PPP2R5C: variants seen among roughly 807,000 people sequenced by gnomAD.
PPP2R5C encodes the protein protein phosphatase 2 regulatory subunit B'gamma, also known as serine/threonine-protein phosphatase 2A 56 kDa regulatory subunit gamma isoform.
PPP2R5C carries 7 observed loss-of-function variants against 68.9 expected under a neutral mutation model. The ratio of observed to expected loss-of-function variants is 0.10; its 90% CI spans 0.06 to 0.19. PPP2R5C has a LOEUF of 0.19. Among genes scored for constraint, PPP2R5C ranks in the 10% least tolerant of loss-of-function variants. The pLI, the probability that PPP2R5C is intolerant of heterozygous loss-of-function variation, is 1.00. For synonymous variants in PPP2R5C, 210 were observed against 222.2 expected (o/e 0.95, Z 0.49); for missense variants, 348 against 641.3 (o/e 0.54, Z 4.94).
intron 2 of PPP2R5C, among the ~76,000 whole-genome samples, chr14:101,875,272 C>T (rs2043689806): frequency 6.6e-6 from 1 of 152,184 alleles, no homozygotes; most frequent in African/African-American, 2.4e-5. Context: ...TACCTCTCTT[C>T]ACTGCCGAGC....
At chr14:101,909,428 G>C (rs45547933) in intron 10 of PPP2R5C, among the ~76,000 whole-genome samples, 161 bp from the exon 13 acceptor site, 4,740 of 152,272 alleles carry the variant, frequency 0.031, 144 homozygotes, top group African/African-American at 0.077. Flanking sequence ...ATGTGTGGCT[G>C]TCAGAAAACA....
intron 3 of PPP2R5C, among the ~76,000 whole-genome samples, chr14:101,788,426 T>C (rs1316244496): frequency 1.3e-5 from 2 of 152,258 alleles, no homozygotes; most frequent in African/African-American, 4.8e-5. Context: ...GCAGAGCCCA[T>C]GCAAGTACCG....
rs2043867779 is a variant in PPP2R5C, at chr14:101,877,610, C to G, written c.295-4551C>G. On this transcript the variant is annotated intron_variant, in intron 2 of 13. Transcript: ENST00000334743. The surrounding 1 kb of genome is among the most constrained non-coding windows in gnomAD (Gnocchi z 4.2). ...ACATCAGCACCCCAGGTTTCTGTAC[C>G]TGGGGCTCCTGCCCCTGATTCGCCC... 6.6e-6 allele frequency among the ~76,000 whole-genome samples: 1 copy of G among 152,188 alleles called. No homozygotes were observed. The highest frequency in any genetic ancestry group is 6.5e-5 in the Admixed American group (1 of 15,288).
In PPP2R5C at chr14:101,906,905, A is replaced by G. The variant is rs1052185377; in HGVS notation, c.1151+376A>G. On this transcript the variant is annotated intron_variant, in intron 10 of 13. Coordinates refer to ENST00000334743, the Ensembl canonical transcript of PPP2R5C. The surrounding 1 kb of genome is among the most constrained non-coding windows in gnomAD (Gnocchi z 4.0). ...GGGGTGTCTATTGAGCTCTGCTGAC[A>G]TGCACCCTGGATGAGCCCCTGTGTG... Among the ~76,000 whole-genome samples the G allele has an allele frequency of 6.6e-6, 1 of 152,076 alleles. No individual in the cohort carries two copies. The highest frequency in any genetic ancestry group is 6.6e-5 in the Admixed American group (1 of 15,260).
In PPP2R5C at chr14:101,879,168, C is replaced by G. The variant is rs1180034839; in HGVS notation, c.295-2993C>G. The G allele has an allele frequency of 6.6e-6, 1 of 151,184 alleles. No homozygotes were observed. Among genetic ancestry groups the G allele is most frequent in the South Asian group, 2.1e-4 (1 of 4,746 alleles). The allele number at this position is 151,184 out of a possible 1,614,324, so 9.4% of individuals were successfully genotyped here. On this transcript the variant is annotated intron_variant, in intron 2 of 13. Coordinates refer to ENST00000334743, the Ensembl canonical transcript of PPP2R5C. The surrounding 1 kb of genome is among the most constrained non-coding windows in gnomAD (Gnocchi z 4.2). ...AGGGTGGCTCCGAGCCCCTCTTGCC[C>G]GCCCTCCCCCGGGGCTTTGAGCAGA...
At position 101,841,910 on chromosome 14, in the gene PPP2R5C, A is replaced by G. The variant is rs150388864; in HGVS notation, c.95-14776A>G. On this transcript the variant is annotated intron_variant, in intron 1 of 13. Transcript: ENST00000334743. The stretch of plus-strand genomic sequence containing the variant: ...GCGCCTCCTCCTTCAGAGACCACTG[A>G]GCTCTCAGCTCCCCATGGAGCTTCT... Among the ~76,000 whole-genome samples, 600 of 152,232 alleles carry G rather than the reference A, an allele frequency of 3.9e-3. 10 individuals are homozygous for G. The highest frequency in any genetic ancestry group is 0.014 in the African/African-American group (562 of 41,554).
chr14:101,762,034 G>T, intron 1 of PPP2R5C, 114 bp downstream of exon 1: 7 of 1,040,932 alleles, frequency 6.7e-6, no homozygotes, highest in South Asian at 9.2e-5. Flanking sequence ...GCCTGACGCC[G>T]CGGGCTTCGC....
chr14:101,797,557 A>G lies in PPP2R5C; in HGVS notation c.259+11374A>G. 1 of 268,890 alleles carries G rather than the reference A, an allele frequency of 3.7e-6. No individual in the cohort carries two copies. The highest frequency in any genetic ancestry group is 3.5e-5 in the South Asian group (1 of 28,784). 16.7% of individuals were successfully genotyped at this position (268,890 alleles called of 1,614,324 possible). A position where few individuals can be genotyped will look rare whatever the true frequency, so the allele number is the denominator to read the frequency against. ...TCGTGGGGTGGCCAAAACCCCAGCCAGGGCCACCTATCCCTTCACCTCCCT... is the reference window on the plus strand; with the variant it reads ...TCGTGGGGTGGCCAAAACCCCAGCCGGGGCCACCTATCCCTTCACCTCCCT... On this transcript the variant is annotated intron_variant, in intron 3 of 14. Coordinates refer to the PPP2R5C transcript ENST00000328724. This position sits in a 1 kb window ranked among gnomAD's most constrained non-coding sequence, Gnocchi z 4.2.
In PPP2R5C at chr14:101,911,231, G is replaced by A. The variant is rs910048327; in HGVS notation, c.1254-1170G>A. ...GGAGCTTGCAGTGAGCCAAGATCACGCCACTGCACTCCAGCCTGGGCGACA... is the reference window on the plus strand; with the variant it reads ...GGAGCTTGCAGTGAGCCAAGATCACACCACTGCACTCCAGCCTGGGCGACA... On this transcript the variant is annotated intron_variant, in intron 11 of 13. Transcript: ENST00000334743. Among the ~76,000 whole-genome samples the A allele has an allele frequency of 2.6e-5, 4 of 151,792 alleles. No individual in the cohort carries two copies. The East Asian group carries it at 7.8e-4, about 29-fold the overall frequency.
At chr14:101,766,721 AAG>A (rs1350091372) in intron 2 of PPP2R5C, 2 of 152,238 alleles carry the variant, frequency 1.3e-5, no homozygotes, top group African/African-American at 4.8e-5. Context: ...GTCTTAAGGA[AAG>A]AGGCAAAAAA....
At position 101,797,716 on chromosome 14, in the gene PPP2R5C, T is replaced by C. The variant is rs2038681881; in HGVS notation, c.259+11533T>C. 1 of 165,722 alleles carries C rather than the reference T, an allele frequency of 6.0e-6. No individual in the cohort carries two copies. The highest frequency in any genetic ancestry group is 1.3e-5 in the Non-Finnish European group (1 of 76,242). The allele number at this position is 165,722 out of a possible 1,614,324, so 10.3% of individuals were successfully genotyped here. A position where few individuals can be genotyped will look rare whatever the true frequency, so the allele number is the denominator to read the frequency against. On this transcript the variant is annotated intron_variant, in intron 3 of 14. Coordinates refer to the PPP2R5C transcript ENST00000328724. The surrounding 1 kb of genome is among the most constrained non-coding windows in gnomAD (Gnocchi z 4.2). The stretch of plus-strand genomic sequence containing the variant: ...GCATGAAAGCACTCCGATGTATGCA[T>C]ACTTTTACTTCGCGTTGGTTCCCTA...
At position 101,781,709 on chromosome 14, in the gene PPP2R5C, A is replaced by AGG. The variant is rs1328772974; in HGVS notation, c.94-4306_94-4305dup. ...GCTGCCTCGCCCCGGAGCCCGGAGG[A>AGG]GGGGAGCCGGCCACCCGGGGAAGAA... On this transcript the variant is annotated intron_variant, in intron 2 of 14. Coordinates refer to the PPP2R5C transcript ENST00000328724. The surrounding 1 kb of genome is among the most constrained non-coding windows in gnomAD (Gnocchi z 6.4). 1.3e-5 allele frequency among the ~76,000 whole-genome samples: 2 copies of AGG among 151,912 alleles called. No individual in the cohort carries two copies. The highest frequency in any genetic ancestry group is 1.3e-4 in the Admixed American group (2 of 15,274).
intron 3 of PPP2R5C, among the ~76,000 whole-genome samples, chr14:101,790,855 C>T (rs888444399): frequency 6.6e-6 from 1 of 152,144 alleles, no homozygotes; most frequent in South Asian, 2.1e-4. Flanking sequence ...CCGAGGCGGG[C>T]GGATCATGAG....
intron 3 of PPP2R5C, among the ~76,000 whole-genome samples, chr14:101,790,175 G>A (rs982586349): frequency 1.7e-4 from 26 of 152,128 alleles, no homozygotes; most frequent in African/African-American, 5.1e-4. Context: ...TTAAAGCCAC[G>A]TATTCATTCT....
intron 2 of PPP2R5C, among the ~76,000 whole-genome samples, chr14:101,875,609 T>A (rs1026529030): frequency 3.3e-5 from 5 of 152,166 alleles, no homozygotes; most frequent in African/African-American, 1.2e-4. Flanking sequence ...GCTGTGCATT[T>A]ATGTTCTCTA....
intron 10 of PPP2R5C, among the ~76,000 whole-genome samples, chr14:101,907,412 C>A (rs1411533165): frequency 1.3e-5 from 2 of 152,112 alleles, no homozygotes; most frequent in South Asian, 4.1e-4. Context: ...CTCAAGTATT[C>A]CACCTGCCTC....
chr14:101,852,469 C>CTTTTTTTTTTTTTT (rs559509845), intron 1 of PPP2R5C, among the ~76,000 whole-genome samples: 28 of 115,104 alleles, frequency 2.4e-4, no homozygotes, highest in South Asian at 5.5e-4. Context: ...TTTTCTTTTT[C>CTTTTTTTTTTTTTT]TTTTTTTTTT....
In PPP2R5C at chr14:101,825,211, CGTGTGTGTGTGTGTGTGTGTGT is replaced by C. The variant is rs10588262; in HGVS notation, c.94+15192_94+15213del. The stretch of plus-strand genomic sequence containing the variant: ...AGGGATAGGATAAGAGGGTTTTCAG[CGTGTGTGTGTGTGTGTGTGTGT>C]GTGTGTGTGTGTGTGTTGATGAATT... On this transcript the variant is annotated intron_variant, in intron 1 of 13. Transcript: ENST00000334743. The surrounding 1 kb of genome is among the most constrained non-coding windows in gnomAD (Gnocchi z 4.0). 3.5e-5 allele frequency among the ~76,000 whole-genome samples: 5 copies of C among 143,110 alleles called. No individual in the cohort carries two copies. The highest frequency in any genetic ancestry group is 1.4e-4 in the Admixed American group (2 of 14,408). 93.9% of individuals were successfully genotyped at this position (143,110 alleles called of 152,430 possible).
rs561889813 is a variant in PPP2R5C, at chr14:101,920,168, TG to T, written c.1443+2222del. Among the ~76,000 whole-genome samples the T allele has an allele frequency of 2.1e-3, 316 of 152,274 alleles. 2 individuals are homozygous for T. Among genetic ancestry groups the T allele is most frequent in the African/African-American group, 7.1e-3 (294 of 41,560 alleles). ...CCTGCTCTGTAGTAGATCAAGAACT[TG>T]ATCAAGAATGCAAACCAAAATAGCA... On this transcript the variant is annotated intron_variant, in intron 13 of 13. Transcript: ENST00000334743.
Sources: gnomAD v4.1 joint callset for allele counts (sites outside exome capture counted in the v4.1 genomes callset) on GRCh38, gnomAD v4.1.1 for gene constraint, Gnocchi (gnomAD v3.1) non-coding constraint, MANE v1.5 for transcripts, NCBI Gene and HGNC (gene_info 2026-07-23, HGNC 2026-07-21) for gene names.